Variants in POC1A observed in about 807,000 individuals in gnomAD.
The protein encoded by POC1A is POC1 centriolar protein homolog A.
A neutral mutation model predicts 47.8 loss-of-function variants in POC1A; 34 were observed. That is an observed-to-expected ratio of 0.71 (90% CI 0.54 to 0.95). The LOEUF (loss-of-function observed/expected upper bound fraction) is 0.95. Ranked by LOEUF, POC1A falls within the 40% of genes least tolerant of loss-of-function variation. The pLI, the probability that POC1A is intolerant of heterozygous loss-of-function variation, is 0.00. For missense variants in POC1A, 466 were observed against 528.3 expected (o/e 0.88, Z 1.16); for synonymous variants, 177 against 207.6 (o/e 0.85, Z 1.27).
intron 7 of POC1A, among the ~76,000 whole-genome samples, chr3:52,135,416 C>G (rs1228864113): frequency 6.6e-6 from 1 of 152,212 alleles, no homozygotes; most frequent in Admixed American, 6.5e-5. Context: ...CAGTGTCTTG[C>G]TTTGTCACCC....
At chr3:52,080,881 G>C (rs1036820483) in intron 10 of POC1A, among the ~76,000 whole-genome samples, 1 of 152,214 alleles carries the variant, frequency 6.6e-6, no homozygotes, top group African/African-American at 2.4e-5. Flanking sequence ...GCCGGATTGA[G>C]GACCCTATGG....
At chr3:52,111,689 A>G (rs1225257788) in intron 9 of POC1A, among the ~76,000 whole-genome samples, 1 of 151,676 alleles carries the variant, frequency 6.6e-6, no homozygotes, top group Admixed American at 6.6e-5. Flanking sequence ...GGCTCTGCAA[A>G]TAAGACCTTC....
At chr3:52,122,726 G>A (rs762494910) in intron 8 of POC1A, among the ~76,000 whole-genome samples, 33 of 152,334 alleles carry the variant, frequency 2.2e-4, no homozygotes, top group Non-Finnish European at 3.7e-4. Flanking sequence ...CCAGGCCTTC[G>A]CACTTGCTGG....
intron 4 of POC1A, among the ~76,000 whole-genome samples, chr3:52,149,000 T>C (rs1002047678): frequency 5.9e-5 from 9 of 152,234 alleles, no homozygotes; most frequent in Non-Finnish European, 8.8e-5. Context: ...CTAACTTACA[T>C]GTCATGCATC....
intron 9 of POC1A, among the ~76,000 whole-genome samples, chr3:52,118,662 G>A (rs963591858): frequency 3.3e-5 from 5 of 152,294 alleles, no homozygotes; most frequent in Non-Finnish European, 4.4e-5. Context: ...TCTGGCTTTC[G>A]ACTGCTACGC....
chr3:52,103,490 C>T (rs1021633570), intron 9 of POC1A, among the ~76,000 whole-genome samples: 3 of 152,202 alleles, frequency 2.0e-5, no homozygotes, highest in African/African-American at 4.8e-5. Context: ...TATGCCAACA[C>T]ATTCCAGCCT....
intron 7 of POC1A, among the ~76,000 whole-genome samples, chr3:52,126,110 C>T (rs184435104): frequency 8.7e-4 from 132 of 152,342 alleles, no homozygotes; most frequent in Admixed American, 2.0e-3. Flanking sequence ...GAGGTTCTCT[C>T]CTAGAAGACA....
chr3:52,142,079 A>T (rs1698216149), intron 6 of POC1A, among the ~76,000 whole-genome samples: 1 of 152,200 alleles, frequency 6.6e-6, no homozygotes. Flanking sequence ...TGAGGTGGAG[A>T]CTCAGACCCA....
At chr3:52,081,138 C>T (rs574502020) in intron 10 of POC1A, among the ~76,000 whole-genome samples, 6 of 152,348 alleles carry the variant, frequency 3.9e-5, no homozygotes, top group Non-Finnish European at 7.3e-5. Flanking sequence ...TGTTTGCCAT[C>T]GAATGTATTC....
rs1481199938 is a variant in POC1A, at chr3:52,138,288, C to A, written c.694G>T (p.Val232Leu). The A allele has an allele frequency of 3.1e-6, 5 of 1,612,516 alleles. No homozygotes were observed. In the African/African-American group the frequency reaches 6.7e-5, roughly 22 times the overall value. ...GACGGGTGGAAAGAGAGCCCGTTCACTGCTGCACTGTGCACTGGGGGAAGG... is the reference window on the plus strand; with the variant it reads ...GACGGGTGGAAAGAGAGCCCGTTCAATGCTGCACTGTGCACTGGGGGAAGG... ...LQHYQLHSAA[V>L]NGLSFHPSGN... The change falls in exon 7 of 11, where the codon GTG becomes TTG. Residue 232 changes from valine (V) to leucine (L), a missense_variant. Coordinates refer to ENST00000296484, the MANE Select transcript of POC1A (RefSeq NM_015426.5).
At chr3:52,087,370 T>C (rs1702494198) in intron 10 of POC1A, among the ~76,000 whole-genome samples, 1 of 152,028 alleles carries the variant, frequency 6.6e-6, no homozygotes, top group South Asian at 2.1e-4. Context: ...TCTAAAAAAA[T>C]TCCTCCCAAT....
At chr3:52,083,271 G>T (rs1346725536) in intron 10 of POC1A, among the ~76,000 whole-genome samples, 1 of 152,168 alleles carries the variant, frequency 6.6e-6, no homozygotes, top group African/African-American at 2.4e-5. Context: ...CAGGCACAGA[G>T]GAGGTGGGAG....
rs748940444 is a variant in POC1A at position 52,075,862 on chromosome 3, G to C, written c.*25C>G. ...CTGGCCTGCCACCTGCAAATCCACC[G>C]AGCTCCTGATTCCTGCTCCCCTGAT... On this transcript the variant is annotated 3_prime_UTR_variant, in exon 11 of 11. Transcript: ENST00000296484. 14 of 1,562,960 alleles carry C rather than the reference G, an allele frequency of 9.0e-6. No homozygotes were observed. The highest frequency in any genetic ancestry group is 1.7e-5 in the Admixed American group (1 of 59,904).
At chr3:52,094,233 G>A (rs964859250) in intron 10 of POC1A, among the ~76,000 whole-genome samples, 1 of 152,248 alleles carries the variant, frequency 6.6e-6, no homozygotes, top group Non-Finnish European at 1.5e-5. Context: ...ATGGCAAGGA[G>A]TGCTTGCTGA....
At chr3:52,105,501 C>T (rs371915780) in intron 9 of POC1A, among the ~76,000 whole-genome samples, 8 of 152,198 alleles carry the variant, frequency 5.3e-5, no homozygotes, top group African/African-American at 1.9e-4. Flanking sequence ...GGGAACACAC[C>T]GAGCTCACGT....
chr3:52,132,697 C>T (rs567163227), intron 7 of POC1A, among the ~76,000 whole-genome samples: 41 of 152,298 alleles, frequency 2.7e-4, no homozygotes, highest in African/African-American at 9.4e-4. Flanking sequence ...TTGTAACCAA[C>T]ATCCACCCCT....
intron 6 of POC1A, among the ~76,000 whole-genome samples, chr3:52,141,682 T>C (rs892090364): frequency 1.3e-5 from 2 of 152,114 alleles, no homozygotes; most frequent in Middle Eastern, 3.2e-3. Context: ...CCTGCCCTGA[T>C]AGCTGCAACT....
In POC1A at chr3:52,138,222, T is replaced by G; in HGVS notation, c.760A>C (p.Lys254Gln). The G allele has an allele frequency of 6.2e-7, 1 of 1,614,164 alleles. No homozygotes were observed. Among genetic ancestry groups the G allele is most frequent in the South Asian group, 1.1e-5 (1 of 91,088 alleles). The change falls in exon 7 of 11, where the codon AAG becomes CAG. Residue 254 changes from lysine to glutamine, a missense_variant. By Grantham distance (53) the Lys-to-Gln change is moderately conservative (BLOSUM62 1). Coordinates refer to ENST00000296484, the MANE Select transcript of POC1A (RefSeq NM_015426.5). ...LITASSDSTL[K>Q]ILDLMEGRLL... ...CGGCCCTCCATCAGGTCCAGGATCT[T>G]CAGGGTTGAGTCACTGGAGGCTGTG...
At chr3:52,106,755 G>A (rs911024299) in intron 9 of POC1A, among the ~76,000 whole-genome samples, 6 of 152,200 alleles carry the variant, frequency 3.9e-5, no homozygotes. Context: ...GATGCTGTAT[G>A]CACAAACCAA....
Sources: allele counts gnomAD v4.1 joint callset (sites outside exome capture counted in the v4.1 genomes callset), GRCh38; gene constraint gnomAD v4.1.1; transcripts MANE v1.5; gene names NCBI Gene and HGNC (gene_info 2026-07-23, HGNC 2026-07-21).